The following VPS13D variants were observed in gnomAD, a reference collection of about 807,000 sequenced individuals.
VPS13D encodes intermembrane lipid transfer protein VPS13D.
In VPS13D, 187 loss-of-function variants were observed where a neutral mutation model predicts 461.9. The observed-to-expected ratio is 0.40, with a 90% confidence interval of 0.36 to 0.46. VPS13D has a LOEUF of 0.46. VPS13D is among the 20% of genes least tolerant of loss of function. The probability of loss-of-function intolerance (pLI) is 0.60; values close to 1 mark genes in which losing one functional copy is unlikely to be tolerated. For missense variants in VPS13D, 4,711 were observed against 5,364.9 expected, an observed-to-expected ratio of 0.88 and a Z score of 3.81; for synonymous variants, 1,951 against 1,986.3, an observed-to-expected ratio of 0.98 and a Z score of 0.47.
intron 65 of VPS13D, among the ~76,000 whole-genome samples, chr1:12,433,947 A>T (rs1219714316): frequency 6.7e-6 from 1 of 149,210 alleles, no homozygotes; most frequent in African/African-American, 2.5e-5. Context: ...AGAGAGAGAG[A>T]GAGTGTGTGT....
Position 12,414,059 on chromosome 1 carries a change from G to A in VPS13D, c.12031-1028G>A, listed in dbSNP as rs114040282. On this transcript the variant is annotated intron_variant, in intron 63 of 69. Transcript: ENST00000620676. The stretch of plus-strand genomic sequence containing the variant: ...AGCACTTTGGGATGCCAAGGCAGGC[G>A]GATTGCTTGAGCCCAGGTGTTTGAG... Among the ~76,000 whole-genome samples the A allele has an allele frequency of 5.7e-3, 871 of 152,272 alleles. 7 individuals are homozygous for A. Among genetic ancestry groups the A allele is most frequent in the African/African-American group, 0.018 (765 of 41,542 alleles).
At chr1:12,472,115 A>T (rs1430538500) in intron 67 of VPS13D, among the ~76,000 whole-genome samples, 1 of 152,158 alleles carries the variant, frequency 6.6e-6, no homozygotes. Context: ...TAGCAGTACT[A>T]TTCTGAGTTT....
rs775364111 is a variant in VPS13D at position 12,283,206 on chromosome 1, C to CAAA, written c.5107_5109dup (p.Lys1703dup). 1.9e-6 allele frequency: 3 copies of CAAA among 1,614,120 alleles called. No homozygotes were observed. The highest frequency in any genetic ancestry group is 2.5e-6 in the Non-Finnish European group (3 of 1,180,014). On this transcript the variant is annotated inframe_insertion, in exon 21 of 70. Coordinates refer to ENST00000620676, the MANE Select transcript of VPS13D (RefSeq NM_015378.4). ...AGCCCCTAAGCCATCTAGTTTAGCA[C>CAAA]AAAAAGAATACCTTTCTCAGTCTTG...
At chr1:12,472,578 C>T (rs1452163406) in intron 67 of VPS13D, among the ~76,000 whole-genome samples, 1 of 152,216 alleles carries the variant, frequency 6.6e-6, no homozygotes, top group Non-Finnish European at 1.5e-5. Context: ...ACGTGTCCAT[C>T]TGCTTTTCAG....
At chr1:12,404,004 A>G (rs772837990) in intron 63 of VPS13D, 31 bp downstream of exon 63, 4 of 1,564,090 alleles carry the variant, frequency 2.6e-6, no homozygotes, top group East Asian at 2.3e-5. Flanking sequence ...ATTTTTTTAG[A>G]TGATTTTTCC....
chr1:12,321,023 A>C (rs1643020461), intron 32 of VPS13D, among the ~76,000 whole-genome samples: 1 of 152,296 alleles, frequency 6.6e-6, no homozygotes, highest in South Asian at 2.1e-4. Flanking sequence ...AGAGGGTAAG[A>C]AGGACCCAAA....
At chr1:12,397,394 G>C (rs1005794083) in intron 60 of VPS13D, among the ~76,000 whole-genome samples, 1 of 152,196 alleles carries the variant, frequency 6.6e-6, no homozygotes, top group South Asian at 2.1e-4. Flanking sequence ...GATCTAATTA[G>C]GAGAATAAAA....
At chr1:12,275,761 A>T in intron 18 of VPS13D, 64 bp from the exon 19 acceptor site, 1 of 1,475,612 alleles carries the variant, frequency 6.8e-7, no homozygotes, top group Non-Finnish European at 9.0e-7. Flanking sequence ...CATAATTATT[A>T]CATTAAGGGA....
chr1:12,509,189 C>T lies in VPS13D; in HGVS notation c.*165C>T. 2.5e-6 allele frequency: 2 copies of T among 815,604 alleles called. No individual in the cohort carries two copies. The highest frequency in any genetic ancestry group is 2.8e-5 in the East Asian group (1 of 35,316). The allele number at this position is 815,604 out of a possible 1,614,324, so 50.5% of individuals were successfully genotyped here. On this transcript the variant is annotated 3_prime_UTR_variant, in exon 70 of 70. Coordinates refer to ENST00000620676, the MANE Select transcript of VPS13D (RefSeq NM_015378.4). Reference sequence around the variant, plus strand: ...CATGAGGAAAAGTACAAATGGAAATCGTATTAATTTGTGAGGCAGGGAGTT... The same window carrying T: ...CATGAGGAAAAGTACAAATGGAAATTGTATTAATTTGTGAGGCAGGGAGTT...
At chr1:12,256,297 C>A in intron 7 of VPS13D, 36 bp from the exon 8 acceptor site, 1 of 1,591,804 alleles carries the variant, frequency 6.3e-7, no homozygotes, top group Non-Finnish European at 8.6e-7. Flanking sequence ...GAAGGAAAGC[C>A]ATTCGGAGCA....
chr1:12,272,895 A>G, intron 17 of VPS13D, 108 bp from the exon 18 acceptor site: 1 of 1,459,412 alleles, frequency 6.9e-7, no homozygotes, highest in Non-Finnish European at 9.2e-7. Flanking sequence ...ACATTAGATC[A>G]CTGAGTCACT....
Position 12,277,425 on chromosome 1 carries a change from A to G in VPS13D, c.3837A>G (p.Lys1279=), listed in dbSNP as rs1194224473. ...GTTTCACGTTTGTTGAGAGATCTAAACAGGAGTGTTTTCTCAACCTGAAGA... is the reference window on the plus strand; with the variant it reads ...GTTTCACGTTTGTTGAGAGATCTAAGCAGGAGTGTTTTCTCAACCTGAAGA... ...ALSFTFVERS[K]QECFLNLKMA... is the part of the protein sequence containing the mutation. Residue 1279 remains lysine (K), a synonymous_variant, in exon 19 of 70, where the codon AAA becomes AAG. Coordinates refer to ENST00000620676, the MANE Select transcript of VPS13D (RefSeq NM_015378.4). 3.1e-6 allele frequency: 5 copies of G among 1,614,112 alleles called. No individual in the cohort carries two copies. The African/African-American group carries it at 6.7e-5, about 22-fold the overall frequency.
At position 12,234,239 on chromosome 1, in the gene VPS13D, C is replaced by G. The variant is rs1327659168; in HGVS notation, c.-28C>G. 1.3e-6 allele frequency: 2 copies of G among 1,498,870 alleles called. No individual in the cohort carries two copies. Among genetic ancestry groups the G allele is most frequent in the Non-Finnish European group, 1.8e-6 (2 of 1,083,176 alleles). The allele number at this position is 1,498,870 out of a possible 1,614,324, so 92.8% of individuals were successfully genotyped here. A position where few individuals can be genotyped will look rare whatever the true frequency, so the allele number is the denominator to read the frequency against. ...AGAAATAAAGAATGATCCATGATTT[C>G]TAAACACCTTTTCCTGAGGATATAG... On this transcript the variant is annotated 5_prime_UTR_variant, in exon 2 of 70. Coordinates refer to ENST00000620676, the MANE Select transcript of VPS13D (RefSeq NM_015378.4).
At chr1:12,499,947 C>T in intron 68 of VPS13D, 1 of 985,362 alleles carries the variant, frequency 1.0e-6, no homozygotes, top group African/African-American at 1.7e-5. Flanking sequence ...TGTTTAAAGA[C>T]CTAATTATTT....
intron 29 of VPS13D, 122 bp downstream of exon 29, chr1:12,312,047 G>C: frequency 6.6e-6 from 4 of 607,654 alleles, no homozygotes; most frequent in South Asian, 3.9e-5. Flanking sequence ...TGTCTGCAGA[G>C]TGTCTTTTGG....
At chr1:12,485,138 G>A (rs1041174228) in intron 67 of VPS13D, among the ~76,000 whole-genome samples, 1 of 152,202 alleles carries the variant, frequency 6.6e-6, no homozygotes, top group African/African-American at 2.4e-5. Context: ...TATTTTCGTA[G>A]TCATTTAAAT....
Position 12,308,976 on chromosome 1 carries a change from A to G in VPS13D, c.6650+335A>G, listed in dbSNP as rs1642652050. ...TTATATCTGAATAACTGTCTATGAT[A>G]AGTAGAATCTTAACGTGGAAATCAG... On this transcript the variant is annotated intron_variant, in intron 27 of 69. Transcript: ENST00000620676. 2.0e-5 allele frequency among the ~76,000 whole-genome samples: 3 copies of G among 152,228 alleles called. No homozygotes were observed. The South Asian group carries it at 6.2e-4, about 32-fold the overall frequency.
chr1:12,239,370 C>T (rs934144613), intron 2 of VPS13D, among the ~76,000 whole-genome samples: 4 of 152,174 alleles, frequency 2.6e-5, no homozygotes, highest in African/African-American at 9.6e-5. Flanking sequence ...AATTCTTGGG[C>T]TCAAGCAATC....
intron 6 of VPS13D, among the ~76,000 whole-genome samples, chr1:12,252,601 A>G (rs1479854424): frequency 6.6e-6 from 1 of 151,744 alleles, no homozygotes; most frequent in Non-Finnish European, 1.5e-5. Flanking sequence ...ATGAAACCCC[A>G]TCTCTATTAA....
Sources: allele counts gnomAD v4.1 joint callset (sites outside exome capture counted in the v4.1 genomes callset), GRCh38; gene constraint gnomAD v4.1.1; transcripts MANE v1.5; gene names NCBI Gene and HGNC (gene_info 2026-07-23, HGNC 2026-07-21).